The following TRPC7 variants were observed in gnomAD, a reference collection of about 807,000 sequenced individuals.
TRPC7 encodes the protein transient receptor potential cation channel subfamily C member 7.
In TRPC7, 42 loss-of-function variants were observed where a neutral mutation model predicts 90.1. The ratio of observed to expected loss-of-function variants is 0.47; its 90% CI spans 0.36 to 0.60. TRPC7 has a LOEUF of 0.60. TRPC7 is among the 20% of genes least tolerant of loss of function. TRPC7 has a pLI of 0.00. For synonymous variants in TRPC7, 451 were observed against 436.3 expected (o/e 1.03, Z -0.42); for missense variants, 955 against 1,112.3 (o/e 0.86, Z 2.01).
intron 4 of TRPC7, among the ~76,000 whole-genome samples, chr5:136,274,398 T>TCAA (rs1757294076): frequency 3.3e-5 from 5 of 152,214 alleles, no homozygotes; most frequent in Non-Finnish European, 7.3e-5. Flanking sequence ...GAAAAGTGTC[T>TCAA]TTATTCTCAA....
At chr5:136,298,237 G>T (rs1027980788) in intron 3 of TRPC7, among the ~76,000 whole-genome samples, 20 of 152,138 alleles carry the variant, frequency 1.3e-4, no homozygotes, top group African/African-American at 4.1e-4. Flanking sequence ...CTCAAACACT[G>T]AGGATCCAGC....
intron 3 of TRPC7, among the ~76,000 whole-genome samples, chr5:136,280,561 T>C (rs1294259148): frequency 6.6e-6 from 1 of 152,190 alleles, no homozygotes; most frequent in Non-Finnish European, 1.5e-5. Context: ...GCCTGATGAA[T>C]GCTTAAGTGT....
At chr5:136,334,329 A>G (rs6862122) in intron 2 of TRPC7, among the ~76,000 whole-genome samples, 15,622 of 152,286 alleles carry the variant, frequency 0.1, 854 homozygotes, top group Non-Finnish European at 0.13. Flanking sequence ...TGAAAATGCT[A>G]TTGATTAAGA....
chr5:136,271,607 T>G (rs1346378517), intron 4 of TRPC7, among the ~76,000 whole-genome samples: 1 of 152,216 alleles, frequency 6.6e-6, no homozygotes, highest in African/African-American at 2.4e-5. Context: ...CTAACTGCTG[T>G]GCATCCATAG....
At position 136,220,500 on chromosome 5, in the gene TRPC7, T is replaced by A. The variant is rs138312089; in HGVS notation, c.2344-4225A>T. On this transcript the variant is annotated intron_variant, in intron 10 of 11. Coordinates refer to ENST00000513104, the MANE Select transcript of TRPC7 (RefSeq NM_020389.3). ...CTGGTCTCCTGCAGTACCCTCAGGC[T>A]TATTAGGGTGGAGAAGAAACCCCAC... 3.9e-5 allele frequency among the ~76,000 whole-genome samples: 6 copies of A among 152,278 alleles called. No individual in the cohort carries two copies. The East Asian group carries it at 5.8e-4, about 15-fold the overall frequency.
chr5:136,300,620 G>A (rs1184899947), intron 3 of TRPC7, among the ~76,000 whole-genome samples: 2 of 152,242 alleles, frequency 1.3e-5, no homozygotes, highest in East Asian at 1.9e-4. Flanking sequence ...TGGCATTGGG[G>A]CTTTCCTGGA....
intron 7 of TRPC7, among the ~76,000 whole-genome samples, chr5:136,232,783 G>A (rs1755859602): frequency 1.3e-5 from 2 of 152,290 alleles, no homozygotes; most frequent in South Asian, 4.1e-4. Context: ...GACCATGCAT[G>A]TATATCTGGT....
chr5:136,353,365 G>A (rs113801351), intron 2 of TRPC7, among the ~76,000 whole-genome samples: 6 of 152,194 alleles, frequency 3.9e-5, no homozygotes, highest in African/African-American at 1.4e-4. Flanking sequence ...CCCTGAATGA[G>A]TATTTTAGGG....
chr5:136,301,070 C>G (rs998249101), intron 3 of TRPC7, among the ~76,000 whole-genome samples: 5 of 152,150 alleles, frequency 3.3e-5, no homozygotes, highest in Admixed American at 1.3e-4. Flanking sequence ...ACTCTTGTTG[C>G]CCAGGCTGGA....
intron 5 of TRPC7, among the ~76,000 whole-genome samples, chr5:136,263,253 A>C (rs1402981645): frequency 6.6e-6 from 1 of 152,162 alleles, no homozygotes; most frequent in Non-Finnish European, 1.5e-5. Context: ...TACAAAGATA[A>C]ACAATCTTTA....
Position 136,341,722 on chromosome 5 carries a change from G to A in TRPC7, c.780+14886C>T, listed in dbSNP as rs149719631. Among the ~76,000 whole-genome samples, 57 of 152,198 alleles carry A rather than the reference G, an allele frequency of 3.7e-4. No homozygotes were observed. In the East Asian group the frequency reaches 6.7e-3, roughly 18 times the overall value. On this transcript the variant is annotated intron_variant, in intron 2 of 11. Transcript: ENST00000513104. ...TATCCCTTATTCCTGTACAACAGTC[G>A]CTATTCAGGTAATTCAAGGAGAAAC...
intron 4 of TRPC7, among the ~76,000 whole-genome samples, chr5:136,271,340 T>G (rs142910940): frequency 6.6e-6 from 1 of 152,266 alleles, no homozygotes; most frequent in Non-Finnish European, 1.5e-5. Context: ...TCTCCTTCCC[T>G]GTTATAATTA....
chr5:136,291,529 T>C (rs1313761889), intron 3 of TRPC7, among the ~76,000 whole-genome samples: 1 of 151,868 alleles, frequency 6.6e-6, no homozygotes, highest in Non-Finnish European at 1.5e-5. Context: ...CCAACAAAGA[T>C]CAAAAGAGGC....
chr5:136,215,258 T>C (rs376766248), intron 11 of TRPC7, among the ~76,000 whole-genome samples: 1 of 152,132 alleles, frequency 6.6e-6, no homozygotes, highest in Non-Finnish European at 1.5e-5. Flanking sequence ...TGGAATGAAG[T>C]ACAGCATTGG....
chr5:136,231,267 G>A, intron 8 of TRPC7, 87 bp downstream of exon 8: 1 of 1,171,670 alleles, frequency 8.5e-7, no homozygotes, highest in Non-Finnish European at 1.2e-6. Flanking sequence ...ACAACACATG[G>A]GCTTCTAACA....
chr5:136,279,526 T>A (rs1757477139), intron 3 of TRPC7, among the ~76,000 whole-genome samples: 1 of 152,154 alleles, frequency 6.6e-6, no homozygotes, highest in African/African-American at 2.4e-5. Context: ...GGTGCTGATG[T>A]GACTGGGTTT....
intron 1 of TRPC7, among the ~76,000 whole-genome samples, chr5:136,364,485 C>A (rs1359475402): frequency 6.6e-6 from 1 of 152,072 alleles, no homozygotes. Context: ...AGAAATAAGA[C>A]CCACCAGCAG....
In TRPC7 at chr5:136,251,889, GAGA is replaced by G. The variant is rs1224621799; in HGVS notation, c.1346-10_1346-8del. On this transcript the variant is annotated splice_region_variant and splice_polypyrimidine_tract_variant and intron_variant, in intron 5 of 11. Transcript: ENST00000513104. The stretch of plus-strand genomic sequence containing the variant: ...CATTCGGACCAAATCATTCCTGTGG[GAGA>G]AGGAGAAGGCCAGGCTCACTTTTCG... The G allele has an allele frequency of 1.9e-6, 3 of 1,609,718 alleles. No individual in the cohort carries two copies. Among genetic ancestry groups the G allele is most frequent in the South Asian group, 1.1e-5 (1 of 90,994 alleles).
At chr5:136,351,720 C>T (rs1439285027) in intron 2 of TRPC7, among the ~76,000 whole-genome samples, 1 of 152,216 alleles carries the variant, frequency 6.6e-6, no homozygotes, top group Non-Finnish European at 1.5e-5. Flanking sequence ...AACATCTTTA[C>T]CTTCCACAAT....
Sources: gnomAD v4.1 joint callset for allele counts (sites outside exome capture counted in the v4.1 genomes callset) on GRCh38, gnomAD v4.1.1 for gene constraint, MANE v1.5 for transcripts, NCBI Gene and HGNC (gene_info 2026-07-23, HGNC 2026-07-21) for gene names.